The following COL21A1 variants were observed in gnomAD, a reference collection of about 807,000 sequenced individuals.
COL21A1 encodes the protein collagen alpha-1(XXI) chain.
In COL21A1, 149 loss-of-function variants were observed where a neutral mutation model predicts 137.9. The ratio of observed to expected loss-of-function variants is 1.08; its 90% CI spans 0.95 to 1.24. The LOEUF (loss-of-function observed/expected upper bound fraction) is 1.24. COL21A1 is among the 50% of genes most tolerant of loss of function. The probability of loss-of-function intolerance (pLI) is 0.00; values close to 1 mark genes in which losing one functional copy is unlikely to be tolerated. For missense variants in COL21A1, 1,167 were observed against 1,158.4 expected (o/e 1.01, Z -0.11); for synonymous variants, 456 against 391.5 (o/e 1.16, Z -1.95).
chr6:56,290,770 G>C (rs1024981871), intron 1 of COL21A1, among the ~76,000 whole-genome samples: 1 of 152,134 alleles, frequency 6.6e-6, no homozygotes, highest in African/African-American at 2.4e-5. Context: ...AAAGTGCTGG[G>C]ATTACAGGCG....
chr6:56,153,378 T>C (rs1300670609), intron 10 of COL21A1, among the ~76,000 whole-genome samples: 1 of 152,194 alleles, frequency 6.6e-6, no homozygotes, highest in Non-Finnish European at 1.5e-5. Flanking sequence ...CCAACCTGCC[T>C]ATGGATTTTC....
chr6:56,303,827 C>T (rs1764364877), intron 1 of COL21A1, among the ~76,000 whole-genome samples: 1 of 152,174 alleles, frequency 6.6e-6, no homozygotes, highest in African/African-American at 2.4e-5. Flanking sequence ...AAAGGGAATG[C>T]TCCCAGTTTT....
intron 17 of COL21A1, among the ~76,000 whole-genome samples, chr6:56,079,979 G>A (rs1173374584): frequency 6.6e-6 from 1 of 151,630 alleles, no homozygotes; most frequent in Non-Finnish European, 1.5e-5. Flanking sequence ...TATTGAGGGA[G>A]AGGTTAACCA....
At chr6:56,235,632 G>T in intron 1 of COL21A1, among the ~76,000 whole-genome samples, 1 of 151,840 alleles carries the variant, frequency 6.6e-6, no homozygotes, top group Middle Eastern at 3.2e-3. Context: ...TATTTAAATG[G>T]CCCCCTAATG....
In COL21A1 at chr6:56,098,550, TATATATAA is replaced by T. The variant is rs1279222748; in HGVS notation, c.1812+2914_1812+2921del. Among the ~76,000 whole-genome samples, 8 of 18,848 alleles carry T rather than the reference TATATATAA, an allele frequency of 4.2e-4. 1 individual carries two copies. The highest frequency in any genetic ancestry group is 1.7e-3 in the African/African-American group (8 of 4,634). 12.4% of individuals were successfully genotyped at this position (18,848 alleles called of 152,430 possible). On this transcript the variant is annotated intron_variant, in intron 17 of 29. Coordinates refer to ENST00000244728, the MANE Select transcript of COL21A1 (RefSeq NM_030820.4). ...ATAAATATATATATAAATATATAAA[TATATATAA>T]ATATATAAATATATATAAATATATA... is the stretch of plus-strand genomic sequence containing the variant.
chr6:56,194,158 C>G (rs978604581), intron 1 of COL21A1, among the ~76,000 whole-genome samples: 2 of 152,084 alleles, frequency 1.3e-5, no homozygotes, highest in Admixed American at 1.3e-4. Flanking sequence ...GTTCCTCTAC[C>G]AAAAATATCT....
At chr6:56,131,585 G>A (rs1217670918) in intron 12 of COL21A1, among the ~76,000 whole-genome samples, 2 of 151,922 alleles carry the variant, frequency 1.3e-5, no homozygotes, top group Admixed American at 6.6e-5. Context: ...ATTAAGGGGA[G>A]GTTCAATAAA....
chr6:56,201,388 G>T (rs1779398980), intron 1 of COL21A1, among the ~76,000 whole-genome samples: 1 of 152,174 alleles, frequency 6.6e-6, no homozygotes, highest in Non-Finnish European at 1.5e-5. Flanking sequence ...CCATGCCTAT[G>T]TCCTGAATGG....
chr6:56,387,718 A>G (rs993640824), intron 1 of COL21A1, among the ~76,000 whole-genome samples: 7 of 152,310 alleles, frequency 4.6e-5, no homozygotes, highest in South Asian at 4.1e-4. Flanking sequence ...GCTGGTACCC[A>G]TGGAGGGAGC....
At chr6:56,172,621 C>T (rs1050626129) in intron 3 of COL21A1, among the ~76,000 whole-genome samples, 4 of 152,046 alleles carry the variant, frequency 2.6e-5, no homozygotes, top group Admixed American at 6.6e-5. Context: ...AATATATAGA[C>T]AGACACACAA....
chr6:56,163,623 C>T (rs1012940567), intron 9 of COL21A1, among the ~76,000 whole-genome samples: 3 of 151,730 alleles, frequency 2.0e-5, no homozygotes, highest in Non-Finnish European at 4.4e-5. Context: ...GCAGGGAAAT[C>T]GCTTGAACCC....
At chr6:56,137,575 T>C (rs919382124) in intron 12 of COL21A1, among the ~76,000 whole-genome samples, 31 of 152,182 alleles carry the variant, frequency 2.0e-4, no homozygotes, top group African/African-American at 5.1e-4. Flanking sequence ...AAGAAATAGA[T>C]TTCTAAACTT....
intron 1 of COL21A1, among the ~76,000 whole-genome samples, chr6:56,368,638 T>C (rs1344717443): frequency 6.6e-6 from 1 of 152,230 alleles, no homozygotes; most frequent in East Asian, 1.9e-4. Flanking sequence ...TAAAATTCAC[T>C]TACATTCCTT....
chr6:56,127,257 A>T lies in COL21A1; in HGVS notation c.1543-1108T>A, dbSNP rs191526892. 1.4e-4 allele frequency among the ~76,000 whole-genome samples: 22 copies of T among 152,334 alleles called. No homozygotes were observed. In the East Asian group the frequency reaches 4.2e-3, roughly 29 times the overall value. On this transcript the variant is annotated intron_variant, in intron 12 of 29. Transcript: ENST00000244728. ...GTTTATTTTGTTAAGACTTGCAGAT[A>T]AGCTATAAATATATTCTCATTACTT...
At position 56,070,778 on chromosome 6, in the gene COL21A1, T is replaced by C. The variant is rs749710130; in HGVS notation, c.1986A>G (p.Gly662=). ...CAGAAGCCCCAGGCATCCCTTGAAT[T>C]CCAGGTTCACCTTTGCTTCCCTGTC... ...PGSKGSKGEP[G]IQGMPGASGL... The change falls in exon 21 of 30, where the codon GGA becomes GGG. Residue 662 remains glycine, a synonymous_variant. Transcript: ENST00000244728. 6.3e-7 allele frequency: 1 copy of C among 1,592,280 alleles called. No individual in the cohort carries two copies. The highest frequency in any genetic ancestry group is 8.5e-7 in the Non-Finnish European group (1 of 1,173,156).
chr6:56,274,613 A>G (rs571754769), intron 1 of COL21A1, among the ~76,000 whole-genome samples: 4 of 152,292 alleles, frequency 2.6e-5, no homozygotes, highest in African/African-American at 7.2e-5. Flanking sequence ...ATCATTTACA[A>G]TAGCTACACA....
chr6:56,138,553 A>T (rs1774173823), intron 12 of COL21A1, among the ~76,000 whole-genome samples: 1 of 152,030 alleles, frequency 6.6e-6, no homozygotes, highest in South Asian at 2.1e-4. Context: ...AGCCAAGAGA[A>T]GAAATTGTCC....
At chr6:56,138,639 T>C (rs1171497659) in intron 12 of COL21A1, among the ~76,000 whole-genome samples, 16 of 151,918 alleles carry the variant, frequency 1.1e-4, no homozygotes, top group Non-Finnish European at 4.4e-5. Context: ...AATTGAAAAA[T>C]ACTGACTACT....
chr6:56,391,931 T>C (rs2152354032), intron 1 of COL21A1, among the ~76,000 whole-genome samples: 1 of 152,178 alleles, frequency 6.6e-6, no homozygotes, highest in African/African-American at 2.4e-5. Flanking sequence ...ACCAGACACT[T>C]AAAGAAGAAC....
Sources: gnomAD v4.1 joint callset for allele counts (sites outside exome capture counted in the v4.1 genomes callset) on GRCh38, gnomAD v4.1.1 for gene constraint, MANE v1.5 for transcripts, NCBI Gene and HGNC (gene_info 2026-07-23, HGNC 2026-07-21) for gene names.